Variants in LCOR observed in about 807,000 individuals in gnomAD.
LCOR encodes the protein ligand-dependent corepressor.
A neutral mutation model predicts 64.4 loss-of-function variants in LCOR; 14 were observed. The ratio of observed to expected loss-of-function variants is 0.22; its 90% CI spans 0.14 to 0.34. The LOEUF (loss-of-function observed/expected upper bound fraction) is 0.34. LCOR is among the 10% of genes least tolerant of loss of function. The pLI, the probability that LCOR is intolerant of heterozygous loss-of-function variation, is 1.00. For synonymous variants in LCOR, 643 were observed against 642.5 expected (o/e 1.00, Z -0.01); for missense variants, 1,686 against 1,765.3 (o/e 0.96, Z 0.80).
intron 2 of LCOR, among the ~76,000 whole-genome samples, chr10:96,850,009 A>G (rs1442656581): frequency 1.3e-5 from 2 of 152,182 alleles, no homozygotes; most frequent in African/African-American, 4.8e-5. Flanking sequence ...GCTGTTGGAA[A>G]AACTGACAGT....
At chr10:96,856,131 C>T (rs146060153) in intron 2 of LCOR, among the ~76,000 whole-genome samples, 2,664 of 146,892 alleles carry the variant, frequency 0.018, 69 homozygotes, top group African/African-American at 0.062. Flanking sequence ...AGTGCAGTGG[C>T]GCAATCTCAC....
At chr10:96,859,995 G>A (rs1409152486) in intron 2 of LCOR, among the ~76,000 whole-genome samples, 2 of 152,218 alleles carry the variant, frequency 1.3e-5, no homozygotes, top group East Asian at 3.8e-4. Flanking sequence ...AGGGACAAGT[G>A]CCCGCTTTTG....
rs1848126839 is a variant in LCOR at position 96,984,421 on chromosome 10, A to C, written c.3961A>C (p.Arg1321=). 6.2e-7 allele frequency: 1 copy of C among 1,614,262 alleles called. No individual in the cohort carries two copies. The highest frequency in any genetic ancestry group is 8.5e-7 in the Non-Finnish European group (1 of 1,180,044). The stretch of plus-strand genomic sequence containing the variant: ...ATATTCCAATATTCGAGGAAAGCTC[A>C]GAGCCCAGCAACGTTTAATCAAGAA... The part of the protein sequence containing the change: ...RKYSNIRGKL[R]AQQRLIKNEK... Residue 1321 remains arginine (R), a synonymous_variant, in exon 8 of 8, where the codon AGA becomes CGA. Coordinates refer to ENST00000421806, the MANE Select transcript of LCOR (RefSeq NM_001346516.2).
At chr10:96,958,109 C>A in intron 7 of LCOR, 1 of 1,126,628 alleles carries the variant, frequency 8.9e-7, no homozygotes, top group Non-Finnish European at 1.1e-6. Flanking sequence ...CAATTAATTG[C>A]AGCCATAGTA....
intron 2 of LCOR, among the ~76,000 whole-genome samples, chr10:96,866,350 ATTTCTGGATAGTAT>A (rs756255845): frequency 1.1e-4 from 16 of 151,734 alleles, no homozygotes; most frequent in Non-Finnish European, 5.9e-5. Flanking sequence ...ATTCTTTTCT[ATTTCTGGATAGTAT>A]TTCCTTGTAC....
chr10:96,878,360 C>T (rs577130298), intron 2 of LCOR, among the ~76,000 whole-genome samples: 10 of 152,174 alleles, frequency 6.6e-5, no homozygotes, highest in Admixed American at 2.0e-4. Context: ...GAAGGTTGCT[C>T]GTACCAGATA....
intron 2 of LCOR, among the ~76,000 whole-genome samples, chr10:96,849,453 G>T (rs1009436048): frequency 6.6e-6 from 1 of 152,080 alleles, no homozygotes; most frequent in Non-Finnish European, 1.5e-5. Context: ...CAGGTGATTG[G>T]CCCGCCTCGG....
At chr10:96,934,195 C>T (rs908564684) in intron 4 of LCOR, among the ~76,000 whole-genome samples, 2 of 152,102 alleles carry the variant, frequency 1.3e-5, no homozygotes, top group Admixed American at 1.3e-4. Context: ...TAAATGGATT[C>T]TCTAGGTAAG....
At chr10:96,906,114 T>C (rs1418447133) in intron 2 of LCOR, among the ~76,000 whole-genome samples, 1 of 152,188 alleles carries the variant, frequency 6.6e-6, no homozygotes, top group African/African-American at 2.4e-5. Flanking sequence ...AGGGGTACCT[T>C]ATCTTTTAAG....
intron 7 of LCOR, among the ~76,000 whole-genome samples, chr10:96,964,979 A>C (rs1847933299): frequency 6.6e-6 from 1 of 152,098 alleles, no homozygotes; most frequent in Non-Finnish European, 1.5e-5. Flanking sequence ...GAACACATAA[A>C]GAACAGAGTA....
intron 2 of LCOR, among the ~76,000 whole-genome samples, chr10:96,886,026 C>A (rs191361307): frequency 1.1e-4 from 16 of 152,226 alleles, no homozygotes; most frequent in East Asian, 9.7e-4. Context: ...TACGGGCATG[C>A]GCCACCATGT....
In LCOR at chr10:96,985,218, TA is replaced by T. The variant is rs1182140277; in HGVS notation, c.*85del. The T allele has an allele frequency of 1.4e-6, 2 of 1,441,784 alleles. No homozygotes were observed. The highest frequency in any genetic ancestry group is 1.8e-6 in the Non-Finnish European group (2 of 1,092,934). The allele number at this position is 1,441,784 out of a possible 1,614,324, so 89.3% of individuals were successfully genotyped here. A position where few individuals can be genotyped will look rare whatever the true frequency, so the allele number is the denominator to read the frequency against. ...TTAACTAAATCTGCTTTTATAAGCT[TA>T]TCAAGCCTTTCAAATTTACAGTTAA... On this transcript the variant is annotated 3_prime_UTR_variant, in exon 8 of 8. Transcript: ENST00000421806.
At chr10:96,980,689 A>G (rs1848076166) in intron 7 of LCOR, 104 bp from the exon 8 acceptor site, 1 of 592,680 alleles carries the variant, frequency 1.7e-6, no homozygotes, top group Non-Finnish European at 3.0e-6. Context: ...TCTACAAAAA[A>G]TAAATAAATA....
intron 5 of LCOR, among the ~76,000 whole-genome samples, chr10:96,947,555 C>G (rs980154976): frequency 1.3e-5 from 2 of 152,062 alleles, no homozygotes; most frequent in African/African-American, 4.8e-5. Flanking sequence ...TATAGCTAAT[C>G]TTTAAAAGAC....
intron 2 of LCOR, among the ~76,000 whole-genome samples, chr10:96,905,598 C>T (rs1846713896): frequency 6.6e-6 from 1 of 152,082 alleles, no homozygotes; most frequent in African/African-American, 2.4e-5. Flanking sequence ...TCCCCACCCC[C>T]ACAGCCCTAC....
At chr10:96,860,414 A>ATGCCAAGGAT (rs1003290706) in intron 2 of LCOR, among the ~76,000 whole-genome samples, 17 of 152,206 alleles carry the variant, frequency 1.1e-4, no homozygotes, top group Non-Finnish European at 2.2e-4. Flanking sequence ...AAGCCAAGGA[A>ATGCCAAGGAT]TGCCAAGGAT....
intron 2 of LCOR, among the ~76,000 whole-genome samples, chr10:96,901,553 C>G (rs984321835): frequency 1.3e-5 from 2 of 152,154 alleles, no homozygotes; most frequent in Non-Finnish European, 2.9e-5. Flanking sequence ...TAAGAAGACT[C>G]AAGTCAGTAA....
chr10:96,859,519 G>A (rs981482213), intron 2 of LCOR, among the ~76,000 whole-genome samples: 2 of 151,990 alleles, frequency 1.3e-5, no homozygotes, highest in Non-Finnish European at 2.9e-5. Context: ...GCCTAGACTT[G>A]TATCATTCTT....
intron 7 of LCOR, among the ~76,000 whole-genome samples, chr10:96,973,593 T>C (rs1233467442): frequency 2.0e-5 from 3 of 152,210 alleles, no homozygotes; most frequent in Admixed American, 6.5e-5. Context: ...TAACTTGTTA[T>C]GCCTTGAAGA....
Sources: allele counts gnomAD v4.1 joint callset (sites outside exome capture counted in the v4.1 genomes callset), GRCh38; gene constraint gnomAD v4.1.1; transcripts MANE v1.5; gene names NCBI Gene and HGNC (gene_info 2026-07-23, HGNC 2026-07-21).